Variants in LPCAT3 observed in about 807,000 individuals in gnomAD.
LPCAT3 encodes the protein lysophospholipid acyltransferase 5.
Under a neutral mutation model 63.4 loss-of-function variants are expected in LPCAT3, and 21 were observed. The ratio of observed to expected loss-of-function variants is 0.33; its 90% confidence interval spans 0.23 to 0.48. The LOEUF is 0.48. Ranked by LOEUF, LPCAT3 falls within the 20% of genes least tolerant of loss-of-function variation. The pLI, the probability that LPCAT3 is intolerant of heterozygous loss-of-function variation, is 0.99. For missense variants in LPCAT3, 451 were observed against 590.6 expected, an observed-to-expected ratio of 0.76 and a Z score of 2.45; for synonymous variants, 242 against 227.5, an observed-to-expected ratio of 1.06 and a Z score of -0.58.
intron 1 of LPCAT3, among the ~76,000 whole-genome samples, chr12:7,005,615 A>G (rs1021468999): frequency 6.6e-6 from 1 of 152,148 alleles, no homozygotes; most frequent in Non-Finnish European, 1.5e-5. Flanking sequence ...TGTGTTTTTG[A>G]TTATTGCCAT....
chr12:6,993,344 G>T lies in LPCAT3; in HGVS notation c.152-9805C>A, dbSNP rs782445799. On this transcript the variant is annotated intron_variant, in intron 1 of 12. Coordinates refer to ENST00000261407, the MANE Select transcript of LPCAT3 (RefSeq NM_005768.6). ...AGCTACTCAGGAGGCTGAGGGAGGA[G>T]AATTGCTTGAACCCAGGAGGCAGAG... is the stretch of plus-strand genomic sequence containing the variant. Among the ~76,000 whole-genome samples, 3 of 151,924 alleles carry T rather than the reference G, an allele frequency of 2.0e-5. No homozygotes were observed. The South Asian group carries it at 6.2e-4, about 32-fold the overall frequency.
chr12:7,007,080 T>C (rs1293068417), intron 1 of LPCAT3, among the ~76,000 whole-genome samples: 2 of 152,172 alleles, frequency 1.3e-5, no homozygotes, highest in Non-Finnish European at 2.9e-5. Flanking sequence ...TTTTTGCTCT[T>C]GTTGCCCAGG....
chr12:7,001,630 G>A (rs782201701), intron 1 of LPCAT3: 71 of 408,974 alleles, frequency 1.7e-4, no homozygotes, highest in African/African-American at 8.7e-4. Flanking sequence ...GGCAGAGTTG[G>A]CTGGGATGTG....
chr12:7,015,479 C>A (rs1555157530), intron 1 of LPCAT3, among the ~76,000 whole-genome samples: 1 of 152,174 alleles, frequency 6.6e-6, no homozygotes, highest in Admixed American at 6.5e-5. Flanking sequence ...ATGGTAATAA[C>A]CTTTGTAAGG....
At chr12:6,979,371 AGAT>A in intron 7 of LPCAT3, 97 bp downstream of exon 7, 1 of 852,778 alleles carries the variant, frequency 1.2e-6, no homozygotes, top group South Asian at 1.5e-5. Flanking sequence ...ATGCACTTGT[AGAT>A]GATATTTCCT....
chr12:7,001,229 CCAAGG>C (rs1251808812), intron 1 of LPCAT3, among the ~76,000 whole-genome samples: 2 of 151,944 alleles, frequency 1.3e-5, no homozygotes, highest in Admixed American at 6.6e-5. Flanking sequence ...CACTCCCCTT[CCAAGG>C]CTCTGGGGGG....
intron 6 of LPCAT3, 89 bp downstream of exon 6, chr12:6,980,915 G>C: frequency 7.6e-7 from 1 of 1,319,544 alleles, no homozygotes; most frequent in Non-Finnish European, 1.0e-6. Context: ...TCTATGCCAG[G>C]GTCATGCTGG....
intron 1 of LPCAT3, among the ~76,000 whole-genome samples, chr12:7,008,382 T>C (rs1407841043): frequency 3.3e-5 from 5 of 151,220 alleles, no homozygotes; most frequent in African/African-American, 1.2e-4. Flanking sequence ...TTAAAAACTC[T>C]GTGCTTGAGA....
At chr12:6,993,370 A>T (rs922719421) in intron 1 of LPCAT3, among the ~76,000 whole-genome samples, 3 of 151,314 alleles carry the variant, frequency 2.0e-5, no homozygotes, top group Non-Finnish European at 2.9e-5. Context: ...GGAGGCAGAG[A>T]TTGCAGTGAG....
intron 1 of LPCAT3, among the ~76,000 whole-genome samples, chr12:6,988,893 G>T (rs1304029527): frequency 6.6e-6 from 1 of 152,126 alleles, no homozygotes; most frequent in African/African-American, 2.4e-5. Flanking sequence ...TTGGGAGGCC[G>T]AGGCAGGCGG....
intron 1 of LPCAT3, among the ~76,000 whole-genome samples, chr12:7,002,778 AGGTG>A (rs1946697526): frequency 6.6e-6 from 1 of 152,224 alleles, no homozygotes; most frequent in Non-Finnish European, 1.5e-5. Flanking sequence ...TGGGAGGCTG[AGGTG>A]GGTGGATCAC....
At chr12:7,000,835 T>C (rs1591554923) in intron 1 of LPCAT3, among the ~76,000 whole-genome samples, 1 of 151,584 alleles carries the variant, frequency 6.6e-6, no homozygotes, top group African/African-American at 2.4e-5. Context: ...GCCTCCTGGG[T>C]AGCTGGGACT....
intron 1 of LPCAT3, among the ~76,000 whole-genome samples, chr12:6,998,417 T>TA (rs1555156275): frequency 6.6e-6 from 1 of 152,236 alleles, no homozygotes; most frequent in Admixed American, 6.5e-5. Flanking sequence ...GGATCAGTCT[T>TA]ACTTACAACA....
At chr12:7,009,670 G>A (rs1946748813) in intron 1 of LPCAT3, among the ~76,000 whole-genome samples, 1 of 152,164 alleles carries the variant, frequency 6.6e-6, no homozygotes, top group East Asian at 1.9e-4. Flanking sequence ...TATTTAAGAT[G>A]ATCTTGGGTC....
At chr12:7,007,493 C>CTTTT (rs1161030834) in intron 1 of LPCAT3, among the ~76,000 whole-genome samples, 25 of 121,688 alleles carry the variant, frequency 2.1e-4, no homozygotes, top group African/African-American at 4.0e-4. Flanking sequence ...TTGACAAAAG[C>CTTTT]TTTTTTTTTT....
At position 7,017,017 on chromosome 12, in the gene LPCAT3, G is replaced by T. The variant is rs11064490; in HGVS notation, c.151+1257C>A. Among the ~76,000 whole-genome samples, 927 of 152,308 alleles carry T rather than the reference G, an allele frequency of 6.1e-3. 5 individuals carry two copies. The highest frequency in any genetic ancestry group is 0.02 in the African/African-American group (814 of 41,568). ...ATGCCTATCCCATTATCTAGATTGG[G>T]TTAACACCCTCTGGTGATATTATAT... On this transcript the variant is annotated intron_variant, in intron 1 of 12. Coordinates refer to ENST00000261407, the MANE Select transcript of LPCAT3 (RefSeq NM_005768.6). This position sits in a 1 kb window ranked among gnomAD's most constrained non-coding sequence, Gnocchi z 4.1.
At chr12:6,982,388 G>C (rs1472149224) in intron 3 of LPCAT3, among the ~76,000 whole-genome samples, 1 of 152,120 alleles carries the variant, frequency 6.6e-6, no homozygotes, top group Non-Finnish European at 1.5e-5. Flanking sequence ...GTCTTGCCTT[G>C]AAGTGACTCT....
rs1440586271 is a variant in LPCAT3, at chr12:6,978,331, A to G, written c.1040+10T>C. 4 of 1,601,830 alleles carry G rather than the reference A, an allele frequency of 2.5e-6. No individual in the cohort carries two copies. The African/African-American group carries it at 4.0e-5, about 16-fold the overall frequency. ...GGAACCAGGGTCCAGGCTCCCCACC[A>G]GCAGCTCACCGGGCCACCCAGGCGT... On this transcript the variant is annotated intron_variant, in intron 9 of 12. Transcript: ENST00000261407.
In LPCAT3 at chr12:7,017,424, G is replaced by C. The variant is rs1946803532; in HGVS notation, c.151+850C>G. Among the ~76,000 whole-genome samples, 1 of 152,192 alleles carries C rather than the reference G, an allele frequency of 6.6e-6. No individual in the cohort carries two copies. Among genetic ancestry groups the C allele is most frequent in the Non-Finnish European group, 1.5e-5 (1 of 68,028 alleles). On this transcript the variant is annotated intron_variant, in intron 1 of 12. Coordinates refer to ENST00000261407, the MANE Select transcript of LPCAT3 (RefSeq NM_005768.6). This position sits in a 1 kb window ranked among gnomAD's most constrained non-coding sequence, Gnocchi z 4.1. Reference sequence around the variant, plus strand: ...GCCTGCGTAGGGTCCTTCAGTTTGTGAGCAGCAACAAGGCTGGATCTGATT... The same window carrying C: ...GCCTGCGTAGGGTCCTTCAGTTTGTCAGCAGCAACAAGGCTGGATCTGATT...
Sources: allele counts gnomAD v4.1 joint callset (sites outside exome capture counted in the v4.1 genomes callset), GRCh38; gene constraint gnomAD v4.1.1; non-coding constraint Gnocchi (gnomAD v3.1); transcripts MANE v1.5; gene names NCBI Gene and HGNC (gene_info 2026-07-23, HGNC 2026-07-21).